The following IL1RL2 variants were observed in gnomAD, a reference collection of about 807,000 sequenced individuals.
IL1RL2 encodes interleukin-1 receptor-like 2.
IL1RL2 carries 68 observed loss-of-function variants against 66.8 expected under a neutral mutation model. That is an observed-to-expected ratio of 1.02 (90% CI 0.84 to 1.25). The LOEUF is 1.25. Among genes scored for constraint, IL1RL2 ranks in the 50% most tolerant of loss-of-function variants. The pLI is 0.00. For synonymous variants in IL1RL2, 305 were observed against 264.6 expected (o/e 1.15, Z -1.48); for missense variants, 729 against 709.3 (o/e 1.03, Z -0.32).
At chr2:102,208,815 G>A (rs1358606532) in intron 5 of IL1RL2, among the ~76,000 whole-genome samples, 1 of 152,162 alleles carries the variant, frequency 6.6e-6, no homozygotes. Context: ...ATTTTGGGGT[G>A]GTTTTCAATT....
intron 8 of IL1RL2, among the ~76,000 whole-genome samples, chr2:102,223,664 C>T (rs1690343865): frequency 6.6e-6 from 1 of 152,306 alleles, no homozygotes; most frequent in Admixed American, 6.5e-5. Flanking sequence ...TTTAGAGCAT[C>T]ACTCCTGTCT....
At chr2:102,234,786 C>CA (rs879923473) in intron 10 of IL1RL2, 111 bp from the exon 11 acceptor site, 29,369 of 730,290 alleles carry the variant, frequency 0.04, no homozygotes, top group Non-Finnish European at 0.044. Context: ...GACTTCACTT[C>CA]AAAAAAAAAA....
In IL1RL2 at chr2:102,226,060, T is replaced by G; in HGVS notation, c.1135+19T>G. On this transcript the variant is annotated intron_variant, in intron 9 of 11. Coordinates refer to ENST00000264257, the MANE Select transcript of IL1RL2 (RefSeq NM_003854.4). Reference sequence around the variant, plus strand: ...ATAGTAGGTAAGTGTGTGTAATCACTGAAAAATGCCTCAAAATTGGTATCC... The same window carrying G: ...ATAGTAGGTAAGTGTGTGTAATCACGGAAAAATGCCTCAAAATTGGTATCC... The G allele has an allele frequency of 6.5e-7, 1 of 1,548,542 alleles. No individual in the cohort carries two copies. Among genetic ancestry groups the G allele is most frequent in the Non-Finnish European group, 8.7e-7 (1 of 1,150,630 alleles).
At chr2:102,218,093 A>C (rs1452607622) in intron 6 of IL1RL2, among the ~76,000 whole-genome samples, 1 of 152,164 alleles carries the variant, frequency 6.6e-6, no homozygotes, top group Non-Finnish European at 1.5e-5. Context: ...CAAACAAACA[A>C]ACAAAAAACA....
chr2:102,192,163 TAA>T, intron 4 of IL1RL2, 43 bp downstream of exon 4: 1 of 1,335,032 alleles, frequency 7.5e-7, no homozygotes. Context: ...TCCTTTTCTT[TAA>T]AACCCACTGT....
chr2:102,190,203 A>G (rs1426515059), intron 3 of IL1RL2, among the ~76,000 whole-genome samples: 2 of 152,180 alleles, frequency 1.3e-5, no homozygotes, highest in Non-Finnish European at 2.9e-5. Flanking sequence ...CCATCTTCTC[A>G]CTTTTCAAGG....
At chr2:102,223,586 CT>C (rs1001477553) in intron 8 of IL1RL2, among the ~76,000 whole-genome samples, 38 of 152,132 alleles carry the variant, frequency 2.5e-4, no homozygotes, top group African/African-American at 8.4e-4. Context: ...ATTTCATTCT[CT>C]TTTAGCTCGT....
chr2:102,205,282 C>T (rs918163043), intron 5 of IL1RL2, among the ~76,000 whole-genome samples: 2 of 152,126 alleles, frequency 1.3e-5, no homozygotes, highest in East Asian at 1.9e-4. Context: ...AGGATAAGAA[C>T]AGTTTCACAC....
intron 4 of IL1RL2, among the ~76,000 whole-genome samples, chr2:102,199,125 TG>T (rs1434128248): frequency 6.6e-6 from 1 of 152,226 alleles, no homozygotes; most frequent in African/African-American, 2.4e-5. Context: ...TTAAAATAAT[TG>T]TTTTTTGTTT....
downstream of IL1RL2, among the ~76,000 whole-genome samples, chr2:102,242,518 T>A (rs1371683286): frequency 6.6e-6 from 1 of 152,178 alleles, no homozygotes; most frequent in Non-Finnish European, 1.5e-5. Flanking sequence ...GTGGCGCTGA[T>A]GATATAAATC....
At chr2:102,229,620 G>A (rs1690940761) in intron 9 of IL1RL2, among the ~76,000 whole-genome samples, 1 of 152,130 alleles carries the variant, frequency 6.6e-6, no homozygotes, top group Non-Finnish European at 1.5e-5. Context: ...CAAAACCAGT[G>A]GACTACAACT....
chr2:102,188,278 A>G (rs1308698853), intron 2 of IL1RL2, among the ~76,000 whole-genome samples: 1 of 152,210 alleles, frequency 6.6e-6, no homozygotes, highest in Non-Finnish European at 1.5e-5. Context: ...TCAATAGAAC[A>G]AATTTCTTCT....
At chr2:102,223,262 C>G (rs889989852) in intron 8 of IL1RL2, among the ~76,000 whole-genome samples, 1 of 152,192 alleles carries the variant, frequency 6.6e-6, no homozygotes, top group African/African-American at 2.4e-5. Flanking sequence ...GGGGACAGAG[C>G]TAAGGTTATA....
intron 5 of IL1RL2, among the ~76,000 whole-genome samples, chr2:102,202,598 T>C (rs1688359708): frequency 1.3e-5 from 2 of 152,240 alleles, no homozygotes; most frequent in South Asian, 4.1e-4. Flanking sequence ...GTTTAATTCC[T>C]ATGTATTTTA....
intron 3 of IL1RL2, among the ~76,000 whole-genome samples, chr2:102,189,689 C>T (rs572025388): frequency 6.6e-6 from 1 of 152,298 alleles, no homozygotes; most frequent in African/African-American, 2.4e-5. Flanking sequence ...GCGATCTCGG[C>T]TCACTGCAAC....
downstream of IL1RL2, among the ~76,000 whole-genome samples, chr2:102,241,361 C>T (rs1415314857): frequency 6.6e-6 from 1 of 152,132 alleles, no homozygotes; most frequent in Non-Finnish European, 1.5e-5. Context: ...TGGCGTCGGG[C>T]CCCTGGACTC....
intron 5 of IL1RL2, among the ~76,000 whole-genome samples, chr2:102,205,358 C>A (rs1688616993): frequency 1.3e-5 from 2 of 152,044 alleles, no homozygotes; most frequent in South Asian, 2.1e-4. Flanking sequence ...GAGTTTTGTG[C>A]CTTTGGGTGA....
At chr2:102,194,096 C>T (rs1687459887) in intron 4 of IL1RL2, among the ~76,000 whole-genome samples, 1 of 152,170 alleles carries the variant, frequency 6.6e-6, no homozygotes, top group Non-Finnish European at 1.5e-5. Context: ...ATTACTAGCA[C>T]CTCCGAAGGC....
At chr2:102,210,564 T>C (rs1050227840) in intron 5 of IL1RL2, among the ~76,000 whole-genome samples, 1 of 152,078 alleles carries the variant, frequency 6.6e-6, no homozygotes, top group African/African-American at 2.4e-5. Context: ...GATGGAGAGA[T>C]ATGGATGGGT....
Sources: allele counts gnomAD v4.1 joint callset (sites outside exome capture counted in the v4.1 genomes callset), GRCh38; gene constraint gnomAD v4.1.1; transcripts MANE v1.5; gene names NCBI Gene and HGNC (gene_info 2026-07-23, HGNC 2026-07-21).